The following DDX6 variants were observed in gnomAD, a reference collection of about 807,000 sequenced individuals.
DDX6 encodes the protein DEAD-box helicase 6, also known as probable ATP-dependent RNA helicase DDX6.
DDX6 carries 7 observed loss-of-function variants against 60.6 expected under a neutral mutation model. The observed-to-expected ratio is 0.12, with a 90% CI of 0.07 to 0.22. The LOEUF is 0.22. Among genes scored for constraint, DDX6 ranks in the 10% least tolerant of loss-of-function variants. DDX6 has a pLI of 1.00. For synonymous variants in DDX6, 207 were observed against 201.0 expected (o/e 1.03, Z -0.25); for missense variants, 270 against 589.9 (o/e 0.46, Z 5.62).
At chr11:118,780,381 G>C (rs1861855088) in intron 3 of DDX6, among the ~76,000 whole-genome samples, 1 of 152,068 alleles carries the variant, frequency 6.6e-6, no homozygotes, top group Non-Finnish European at 1.5e-5. Flanking sequence ...GCAGTGGCGT[G>C]ATCTCGGCTC....
intron 7 of DDX6, among the ~76,000 whole-genome samples, 198 bp from the exon 8 acceptor site, chr11:118,760,242 G>A (rs371746343): frequency 1.2e-4 from 18 of 151,854 alleles, no homozygotes; most frequent in African/African-American, 3.9e-4. Context: ...CCATCTTCTA[G>A]GGGAAAAAAA....
At chr11:118,756,409 C>A in intron 10 of DDX6, 86 bp from the exon 11 acceptor site, 1 of 1,076,664 alleles carries the variant, frequency 9.3e-7, no homozygotes. Context: ...ACGATCAGTT[C>A]TACCCAAAAT....
chr11:118,755,265 A>G, intron 12 of DDX6, 137 bp downstream of exon 12: 1 of 603,410 alleles, frequency 1.7e-6, no homozygotes, highest in East Asian at 2.7e-5. Flanking sequence ...AATTAGTCTT[A>G]AATACCAAAC....
chr11:118,762,865 A>C (rs570064371), intron 7 of DDX6, among the ~76,000 whole-genome samples: 6 of 152,368 alleles, frequency 3.9e-5, no homozygotes, highest in South Asian at 2.1e-4. Context: ...AGTAGTATGC[A>C]CAAAATGAGA....
chr11:118,759,017 G>C lies in DDX6; in HGVS notation c.865-115C>G, dbSNP rs556680511. 9 of 1,351,514 alleles carry C rather than the reference G, an allele frequency of 6.7e-6. No homozygotes were observed. The Admixed American group carries it at 1.1e-4, about 16-fold the overall frequency. 83.7% of individuals were successfully genotyped at this position (1,351,514 alleles called of 1,614,324 possible). On this transcript the variant is annotated intron_variant, in intron 8 of 13. Coordinates refer to ENST00000534980, the MANE Select transcript of DDX6 (RefSeq NM_004397.6). Reference sequence around the variant, plus strand: ...CCGATAAACTCTTGCTGTAAGGGACGCAACTCTCTTCAAAACAAAATATAT... The same window carrying C: ...CCGATAAACTCTTGCTGTAAGGGACCCAACTCTCTTCAAAACAAAATATAT...
rs1860640515 is a variant in DDX6 at position 118,748,615 on chromosome 11, T to A, written c.*3490A>T. ...CCAAGAACTTATTTCATTTTTTTGT[T>A]ACTCATCTAGAAGGTCAGGAGTGTG... is the stretch of plus-strand genomic sequence containing the variant. On this transcript the variant is annotated 3_prime_UTR_variant, in exon 14 of 14. Coordinates refer to ENST00000534980, the MANE Select transcript of DDX6 (RefSeq NM_004397.6). The A allele has an allele frequency of 6.6e-6, 1 of 152,186 alleles. No homozygotes were observed. The highest frequency in any genetic ancestry group is 1.5e-5 in the Non-Finnish European group (1 of 68,042). 9.4% of individuals were successfully genotyped at this position (152,186 alleles called of 1,614,324 possible). A position where few individuals can be genotyped will look rare whatever the true frequency, so the allele number is the denominator to read the frequency against.
At position 118,786,293 on chromosome 11, in the gene DDX6, G is replaced by T; in HGVS notation, c.-42C>A. On this transcript the variant is annotated 5_prime_UTR_variant, in exon 2 of 14. Coordinates refer to ENST00000534980, the MANE Select transcript of DDX6 (RefSeq NM_004397.6). ...AGGTCTTTCAAACTTCAAAACTTTT[G>T]AAAGTCAGTAGAGAAACTGTAATAA... The T allele has an allele frequency of 6.5e-7, 1 of 1,540,046 alleles. No individual in the cohort carries two copies. Among genetic ancestry groups the T allele is most frequent in the Non-Finnish European group, 8.8e-7 (1 of 1,133,074 alleles).
At chr11:118,777,759 C>T (rs1303219907) in intron 4 of DDX6, among the ~76,000 whole-genome samples, 1 of 151,870 alleles carries the variant, frequency 6.6e-6, no homozygotes, top group African/African-American at 2.4e-5. Context: ...TGTGGTAGCA[C>T]ACATCTGTAA....
At position 118,768,347 on chromosome 11, in the gene DDX6, C is replaced by G; in HGVS notation, c.375G>C (p.Glu125Asp). The change falls in exon 5 of 14, where the codon GAG (glutamate) becomes GAC (aspartate). Residue 125 changes from glutamate (E) to aspartate (D), a missense_variant. Physicochemically the swap from Glu to Asp is conservative, Grantham distance 45. This residue lies in a region of DDX6 where 14 missense variants were observed against 67.4 expected (regional missense o/e 0.21). Coordinates refer to ENST00000534980, the MANE Select transcript of DDX6 (RefSeq NM_004397.6). ...GWEKPSPIQE[E>D]SIPIALSGRD... ...TACCAGATAAAGCAATGGGAATGCT[C>G]TCCTCCTAAAAGAGATAAGACAATA... 2 of 1,612,050 alleles carry G rather than the reference C, an allele frequency of 1.2e-6. No homozygotes were observed. The highest frequency in any genetic ancestry group is 1.7e-6 in the Non-Finnish European group (2 of 1,179,798).
At chr11:118,790,052 T>G (rs1351448563) in intron 1 of DDX6, 1 of 152,152 alleles carries the variant, frequency 6.6e-6, no homozygotes, top group Non-Finnish European at 1.5e-5. Flanking sequence ...CAAAACAGTA[T>G]CGTCATCGCC....
intron 3 of DDX6, among the ~76,000 whole-genome samples, chr11:118,779,989 G>C (rs1208137000): frequency 6.6e-6 from 1 of 151,616 alleles, no homozygotes; most frequent in South Asian, 2.1e-4. Context: ...GGTGGTGCAC[G>C]CCTGTAGTCG....
intron 6 of DDX6, 45 bp from the exon 7 acceptor site, chr11:118,763,351 G>C (rs782699199): frequency 6.4e-6 from 9 of 1,405,420 alleles, no homozygotes; most frequent in Non-Finnish European, 9.0e-6. Flanking sequence ...ATTTTAATTT[G>C]AGCAAAGAGG....
chr11:118,775,510 G>C (rs781809931), intron 4 of DDX6, among the ~76,000 whole-genome samples: 10 of 151,538 alleles, frequency 6.6e-5, no homozygotes, highest in Non-Finnish European at 1.3e-4. Flanking sequence ...TGGATCCCCA[G>C]GACAAAACAA....
chr11:118,771,379 C>A (rs1861529388), intron 4 of DDX6, among the ~76,000 whole-genome samples: 1 of 152,142 alleles, frequency 6.6e-6, no homozygotes, highest in South Asian at 2.1e-4. Context: ...AGGGATTATA[C>A]CCTACAAAAA....
At chr11:118,780,143 G>GAAAAAAAAAAAAAAA (rs1861846384) in intron 3 of DDX6, among the ~76,000 whole-genome samples, 1 of 96,912 alleles carries the variant, frequency 1.0e-5, no homozygotes, top group South Asian at 4.1e-4. Context: ...AAAAAAAAAG[G>GAAAAAAAAAAAAAAA]AAAGAAAACT....
chr11:118,787,057 T>G (rs1441528080), intron 1 of DDX6: 2 of 152,180 alleles, frequency 1.3e-5, no homozygotes, highest in Non-Finnish European at 2.9e-5. Context: ...CTTTATGGGC[T>G]GGGTGCTGGT....
intron 4 of DDX6, among the ~76,000 whole-genome samples, chr11:118,773,841 GAAAAC>G (rs1195658933): frequency 1.8e-4 from 25 of 141,660 alleles, no homozygotes; most frequent in Admixed American, 1.1e-3. Context: ...CACCCAAAAA[GAAAAC>G]AAAACAAAAC....
At chr11:118,763,480 C>T (rs1317569361) in intron 6 of DDX6, among the ~76,000 whole-genome samples, 174 bp from the exon 7 acceptor site, 6 of 33,604 alleles carry the variant, frequency 1.8e-4, no homozygotes, top group African/African-American at 7.7e-4. Flanking sequence ...ATGGGAACAC[C>T]GACATACGTG....
chr11:118,777,200 T>G (rs535516682), intron 4 of DDX6, among the ~76,000 whole-genome samples: 1 of 151,404 alleles, frequency 6.6e-6, no homozygotes, highest in Non-Finnish European at 1.5e-5. Flanking sequence ...TTATTCATTA[T>G]AGAATTCCCA....
Sources: gnomAD v4.1 joint callset for allele counts (sites outside exome capture counted in the v4.1 genomes callset) on GRCh38, gnomAD v4.1.1 for gene constraint, gnomAD v4.1.1 regional missense constraint, MANE v1.5 for transcripts, NCBI Gene and HGNC (gene_info 2026-07-23, HGNC 2026-07-21) for gene names.